Variants in PDZD2 observed in about 807,000 individuals in gnomAD.
PDZD2 encodes the protein PDZ domain containing 2.
PDZD2 carries 90 observed loss-of-function variants against 220.7 expected under a neutral mutation model. The ratio of observed to expected loss-of-function variants is 0.41; its 90% confidence interval spans 0.34 to 0.49. The LOEUF (loss-of-function observed/expected upper bound fraction) is 0.49, where lower values mean the gene tolerates loss of function less well. Among genes scored for constraint, PDZD2 ranks in the 20% least tolerant of loss-of-function variants. The probability of loss-of-function intolerance (pLI) is 0.28; values close to 1 mark genes in which losing one functional copy is unlikely to be tolerated. For synonymous variants in PDZD2, 1,375 were observed against 1,450.5 expected (o/e 0.95, Z 1.18); for missense variants, 3,174 against 3,608.5 (o/e 0.88, Z 3.08).
chr5:32,011,587 G>C (rs1753328452), intron 6 of PDZD2, among the ~76,000 whole-genome samples: 1 of 152,104 alleles, frequency 6.6e-6, no homozygotes, highest in African/African-American at 2.4e-5. Flanking sequence ...ACTCTTATTA[G>C]CCCTTGTTCC....
intron 1 of PDZD2, among the ~76,000 whole-genome samples, chr5:31,692,428 C>T (rs952824154): frequency 1.5e-4 from 23 of 152,222 alleles, no homozygotes; most frequent in Admixed American, 1.0e-3. Flanking sequence ...TAGCGGCGGG[C>T]TGAAGGGCTC....
intron 3 of PDZD2, among the ~76,000 whole-genome samples, chr5:31,993,543 C>G (rs1446926881): frequency 1.3e-5 from 2 of 152,230 alleles, no homozygotes; most frequent in East Asian, 3.8e-4. Flanking sequence ...CTAAATGCCA[C>G]ACATTCTTTC....
chr5:31,836,607 A>G (rs568695004), intron 2 of PDZD2, among the ~76,000 whole-genome samples: 153 of 151,736 alleles, frequency 1.0e-3, no homozygotes, highest in African/African-American at 3.1e-3. Flanking sequence ...TTCTTTTACA[A>G]CCTCTCCTAG....
At chr5:31,748,310 T>TTGCTCC (rs1365642344) in intron 1 of PDZD2, among the ~76,000 whole-genome samples, 170 of 152,348 alleles carry the variant, frequency 1.1e-3, no homozygotes, top group African/African-American at 4.0e-3. Context: ...GTCAGAAGCC[T>TTGCTCC]TGGATTCTAG....
chr5:32,053,867 C>A lies in PDZD2; in HGVS notation c.1884C>A (p.Asp628Glu). The A allele has an allele frequency of 6.3e-7, 1 of 1,598,542 alleles. No individual in the cohort carries two copies. Among genetic ancestry groups the A allele is most frequent in the Non-Finnish European group, 8.6e-7 (1 of 1,165,840 alleles). ...TIFPNGSAAE[D>E]GRLKEGDEIL... is the part of the protein sequence containing the mutation. ...TCCCAAATGGATCAGCTGCAGAGGA[C>A]GGAAGACTTAAAGAAGGTAGGGGAA... Residue 628 changes from aspartate to glutamate, a missense_variant, in exon 10 of 25, where the codon GAC becomes GAA. Coordinates refer to ENST00000438447, the MANE Select transcript of PDZD2 (RefSeq NM_178140.4).
intron 2 of PDZD2, among the ~76,000 whole-genome samples, chr5:31,838,674 G>A (rs1455364736): frequency 2.0e-5 from 3 of 152,158 alleles, no homozygotes; most frequent in Admixed American, 1.3e-4. Context: ...GGTTTTCAGT[G>A]GTAGTTTTTC....
chr5:31,946,878 T>C (rs879227161), intron 2 of PDZD2, among the ~76,000 whole-genome samples: 2 of 152,172 alleles, frequency 1.3e-5, no homozygotes, highest in African/African-American at 4.8e-5. Context: ...TTAAAAATAT[T>C]TTTTGTAGAG....
In PDZD2 at chr5:31,850,243, T is replaced by TATATATATACAC. The variant is rs577432352; in HGVS notation, c.476+50520_476+50521insTATATATACACA. On this transcript the variant is annotated intron_variant, in intron 2 of 24. Transcript: ENST00000438447. ...ATATATAAGTATATATATATATATA[T>TATATATATACAC]ACACACACACACACACACATATATA... 3.7e-3 allele frequency among the ~76,000 whole-genome samples: 456 copies of TATATATATACAC among 122,200 alleles called. 4 individuals are homozygous for TATATATATACAC. Among genetic ancestry groups the TATATATATACAC allele is most frequent in the Non-Finnish European group, 5.2e-3 (305 of 58,732 alleles). The allele number at this position is 122,200 out of a possible 152,430, so 80.2% of individuals were successfully genotyped here.
chr5:31,982,303 G>GT (rs1750360883), intron 2 of PDZD2, among the ~76,000 whole-genome samples: 1 of 151,960 alleles, frequency 6.6e-6, no homozygotes. Context: ...CCAGTTGCCT[G>GT]TTTGTTTTGT....
At chr5:31,868,556 A>G (rs568502973) in intron 2 of PDZD2, among the ~76,000 whole-genome samples, 2 of 152,062 alleles carry the variant, frequency 1.3e-5, no homozygotes, top group Non-Finnish European at 1.5e-5. Context: ...TCACTCCCTC[A>G]TAGGTTCATG....
chr5:31,880,562 C>A (rs1739772694), intron 2 of PDZD2, among the ~76,000 whole-genome samples: 1 of 152,088 alleles, frequency 6.6e-6, no homozygotes, highest in African/African-American at 2.4e-5. Flanking sequence ...AAAATCTGAT[C>A]TGCAGGAACC....
At position 32,069,602 on chromosome 5, in the gene PDZD2, C is replaced by A; in HGVS notation, c.2485C>A (p.Arg829Ser). 6.2e-7 allele frequency: 1 copy of A among 1,600,374 alleles called. No homozygotes were observed. ...GCAGGAAATGGATGAAGTCATAGCA[C>A]GCAGCACTTATCAGGAGAGCAAAGA... ...SEQEMDEVIA[R>S]STYQESKEAN... is the part of the protein sequence containing the mutation. Residue 829 changes from arginine (R) to serine (S), a missense_variant, in exon 15 of 25, where the codon CGC becomes AGC. Physicochemically the swap from Arg to Ser is moderately radical, Grantham distance 110. This residue lies in a region of PDZD2 where 1,861 missense variants were observed against 2,001.0 expected (regional missense o/e 0.93). Coordinates refer to ENST00000438447, the MANE Select transcript of PDZD2 (RefSeq NM_178140.4).
At chr5:32,059,455 G>T (rs189659295) in intron 13 of PDZD2, 99 bp downstream of exon 13, 397 of 557,712 alleles carry the variant, frequency 7.1e-4, no homozygotes, top group Non-Finnish European at 9.5e-4. Context: ...GAGGGATGTT[G>T]AAGCTTTGAA....
Position 31,798,894 on chromosome 5 carries a change from A to G in PDZD2, c.-355A>G. 3.8e-6 allele frequency: 1 copy of G among 261,948 alleles called. No individual in the cohort carries two copies. The highest frequency in any genetic ancestry group is 7.3e-6 in the Non-Finnish European group (1 of 137,330). 16.2% of individuals were successfully genotyped at this position (261,948 alleles called of 1,614,324 possible). On this transcript the variant is annotated 5_prime_UTR_variant, in exon 2 of 25. Coordinates refer to ENST00000438447, the MANE Select transcript of PDZD2 (RefSeq NM_178140.4). ...TTTTCCTCTTCCTCTCCCAGGTGTG[A>G]ATGAGCCCAGGGAAGGACACACGGC... is the stretch of plus-strand genomic sequence containing the variant.
At chr5:31,982,258 AAC>A (rs1404355130) in intron 2 of PDZD2, among the ~76,000 whole-genome samples, 5 of 152,312 alleles carry the variant, frequency 3.3e-5, no homozygotes, top group African/African-American at 1.2e-4. Flanking sequence ...ATCCTCATTC[AAC>A]ACAGTGTACT....
rs1412708470 is a variant in PDZD2 at position 31,991,181 on chromosome 5, G to C, written c.979-4395G>C. 2.0e-5 allele frequency among the ~76,000 whole-genome samples: 3 copies of C among 152,198 alleles called. No homozygotes were observed. The South Asian group carries it at 6.2e-4, about 32-fold the overall frequency. ...GAAGTTGTTGGAGGGCTTATGCTGAGTGCATCACAGCCTATGTTTTTTAAA... is the reference window on the plus strand; with the variant it reads ...GAAGTTGTTGGAGGGCTTATGCTGACTGCATCACAGCCTATGTTTTTTAAA... On this transcript the variant is annotated intron_variant, in intron 3 of 24. Coordinates refer to ENST00000438447, the MANE Select transcript of PDZD2 (RefSeq NM_178140.4).
At chr5:32,086,309 C>G (rs1742442074) in intron 19 of PDZD2, among the ~76,000 whole-genome samples, 1 of 152,200 alleles carries the variant, frequency 6.6e-6, no homozygotes, top group Non-Finnish European at 1.5e-5. Flanking sequence ...CATGAGGGCC[C>G]TGCTGCATCC....
intron 24 of PDZD2, among the ~76,000 whole-genome samples, chr5:32,104,713 ATCT>A (rs1443542969): frequency 6.6e-4 from 55 of 83,354 alleles, no homozygotes; most frequent in Non-Finnish European, 1.1e-3. Flanking sequence ...AGAAGGCTCC[ATCT>A]AAAAAAAAAA....
chr5:31,677,818 G>A (rs1441575398), intron 1 of PDZD2, among the ~76,000 whole-genome samples: 2 of 151,972 alleles, frequency 1.3e-5, no homozygotes, highest in Admixed American at 6.6e-5. Context: ...GAAAAGGCAC[G>A]CTGATCTTTA....
Sources: gnomAD v4.1 joint callset for allele counts (sites outside exome capture counted in the v4.1 genomes callset) on GRCh38, gnomAD v4.1.1 for gene constraint, gnomAD v4.1.1 regional missense constraint, MANE v1.5 for transcripts, NCBI Gene and HGNC (gene_info 2026-07-23, HGNC 2026-07-21) for gene names.